Variants in LRIG1 observed in about 807,000 individuals in gnomAD.
The protein encoded by LRIG1 is leucine rich repeats and immunoglobulin like domains 1.
LRIG1 carries 48 observed loss-of-function variants against 99.2 expected under a neutral mutation model. That is an observed-to-expected ratio of 0.48 (90% CI 0.38 to 0.62). The LOEUF (loss-of-function observed/expected upper bound fraction) is 0.62, where lower values mean the gene tolerates loss of function less well. Among genes scored for constraint, LRIG1 ranks in the 20% least tolerant of loss-of-function variants. LRIG1 has a pLI of 0.00. For synonymous variants in LRIG1, 772 were observed against 596.1 expected, an observed-to-expected ratio of 1.29 and a Z score of -4.30; for missense variants, 1,646 against 1,434.4, an observed-to-expected ratio of 1.15 and a Z score of -2.38.
In LRIG1 at chr3:66,500,922, G is replaced by C. The variant is rs1445139015; in HGVS notation, c.-515C>G. The stretch of plus-strand genomic sequence containing the variant: ...GTGCGCCTCGCTGTCCCCACGCCGC[G>C]GCCAGAGAGCGCGCGCGCGCGCGCA... On this transcript the variant is annotated 5_prime_UTR_variant, in exon 1 of 19. Transcript: ENST00000273261. 1 of 151,684 alleles carries C rather than the reference G, an allele frequency of 6.6e-6. No individual in the cohort carries two copies. The highest frequency in any genetic ancestry group is 1.5e-5 in the Non-Finnish European group (1 of 67,996). The allele number at this position is 151,684 out of a possible 1,614,324, so 9.4% of individuals were successfully genotyped here.
chr3:66,381,461 A>G lies in LRIG1; in HGVS notation c.2770+18T>C, dbSNP rs945776727. On this transcript the variant is annotated intron_variant, in intron 17 of 18. Coordinates refer to ENST00000273261, the MANE Select transcript of LRIG1 (RefSeq NM_015541.3). ...CCATTTCAGAAAGAAACTACTTCCAATGGGAAGCATCTCATACCCATCTTA... is the reference window on the plus strand; with the variant it reads ...CCATTTCAGAAAGAAACTACTTCCAGTGGGAAGCATCTCATACCCATCTTA... 1.4e-5 allele frequency: 22 copies of G among 1,601,218 alleles called. No homozygotes were observed. The highest frequency in any genetic ancestry group is 1.8e-5 in the Non-Finnish European group (21 of 1,170,224).
intron 1 of LRIG1, among the ~76,000 whole-genome samples, chr3:66,488,573 G>T (rs1260752556): frequency 6.6e-6 from 1 of 152,240 alleles, no homozygotes; most frequent in East Asian, 1.9e-4. Flanking sequence ...GAAGGCAGAG[G>T]TTGCAGTCAG....
At chr3:66,417,065 G>A (rs552541702) in intron 4 of LRIG1, 64 bp downstream of exon 4, 17 of 1,589,304 alleles carry the variant, frequency 1.1e-5, no homozygotes, top group Middle Eastern at 1.8e-4. Flanking sequence ...ACTGGGTGCC[G>A]GTGAAGCTGT....
At chr3:66,416,254 C>T (rs1229474688) in intron 4 of LRIG1, among the ~76,000 whole-genome samples, 1 of 152,236 alleles carries the variant, frequency 6.6e-6, no homozygotes, top group African/African-American at 2.4e-5. Flanking sequence ...CTGTTCCCAA[C>T]TCTGGCGCCC....
intron 5 of LRIG1, among the ~76,000 whole-genome samples, chr3:66,413,746 C>T (rs757615812): frequency 6.6e-6 from 1 of 152,182 alleles, no homozygotes; most frequent in African/African-American, 2.4e-5. Flanking sequence ...TGCTGCCCCA[C>T]ACAAACCTTC....
chr3:66,385,782 C>A (rs1701343097), intron 13 of LRIG1, among the ~76,000 whole-genome samples, 199 bp downstream of exon 13: 2 of 152,208 alleles, frequency 1.3e-5, no homozygotes, highest in Admixed American at 1.3e-4. Context: ...TCACCAAAAA[C>A]AAGTAACTCA....
chr3:66,436,328 G>A (rs942927790), intron 3 of LRIG1, among the ~76,000 whole-genome samples: 3 of 152,190 alleles, frequency 2.0e-5, no homozygotes, highest in Non-Finnish European at 4.4e-5. Context: ...AGGGTGCTGG[G>A]TGCAGGCAAG....
At chr3:66,463,310 T>C (rs1018049829) in intron 1 of LRIG1, among the ~76,000 whole-genome samples, 5 of 152,120 alleles carry the variant, frequency 3.3e-5, no homozygotes, top group Non-Finnish European at 7.4e-5. Context: ...CTACACTGAA[T>C]AAACCGGGAG....
chr3:66,381,601 G>A lies in LRIG1; in HGVS notation c.2648C>T (p.Pro883Leu), dbSNP rs1559763142. The change falls in exon 17 of 19, where the codon CCA becomes CTA. Residue 883 changes from proline (P) to leucine (L), a missense_variant. Transcript: ENST00000273261. ...GGCAACGCTGTGAGTGTCGGGCTCT[G>A]GAAAGTGGCTTGCATCTCTTGGACA... is the stretch of plus-strand genomic sequence containing the variant. ...GVCPRDASHF[P>L]EPDTHSVACR... The A allele has an allele frequency of 6.2e-7, 1 of 1,614,012 alleles. No homozygotes were observed.
At position 66,383,069 on chromosome 3, in the gene LRIG1, T is replaced by C. The variant is rs1701176087; in HGVS notation, c.2404A>G (p.Ser802Gly). 6 of 1,614,216 alleles carry C rather than the reference T, an allele frequency of 3.7e-6. No homozygotes were observed. The highest frequency in any genetic ancestry group is 5.1e-6 in the Non-Finnish European group (6 of 1,180,020). ...TVGIFTIAVV[S>G]SIVLTSLVWV... is the part of the protein sequence containing the mutation. Reference sequence around the variant, plus strand: ...ACCAGTGACGTCAGGACGATGCTGCTCACGACAGCAATGGTGAAGATGCCT... The same window carrying C: ...ACCAGTGACGTCAGGACGATGCTGCCCACGACAGCAATGGTGAAGATGCCT... The change falls in exon 15 of 19, where the codon AGC (serine) becomes GGC (glycine). Residue 802 changes from serine (S) to glycine (G), a missense_variant. Ser to Gly is a moderately conservative substitution (Grantham distance 56). Coordinates refer to ENST00000273261, the MANE Select transcript of LRIG1 (RefSeq NM_015541.3).
intron 3 of LRIG1, among the ~76,000 whole-genome samples, chr3:66,441,217 T>C (rs1703527908): frequency 6.6e-6 from 1 of 152,006 alleles, no homozygotes. Flanking sequence ...GTTGATGAAG[T>C]TGGGAAGAAA....
intron 6 of LRIG1, 31 bp downstream of exon 6, chr3:66,412,840 T>C (rs1702513654): frequency 5.0e-6 from 8 of 1,612,634 alleles, no homozygotes; most frequent in Non-Finnish European, 6.8e-6. Flanking sequence ...CAGCAATCCT[T>C]AGCAATGCCA....
At chr3:66,487,748 G>A (rs1305281029) in intron 1 of LRIG1, among the ~76,000 whole-genome samples, 4 of 152,186 alleles carry the variant, frequency 2.6e-5, no homozygotes, top group East Asian at 1.9e-4. Context: ...CACGAGGCTC[G>A]AAGAAGGGTG....
rs1448001208 is a variant in LRIG1, at chr3:66,500,252, C to T, written c.156G>A (p.Leu52=). The T allele has an allele frequency of 1.3e-6, 2 of 1,508,444 alleles. No individual in the cohort carries two copies. Among genetic ancestry groups the T allele is most frequent in the Non-Finnish European group, 1.8e-6 (2 of 1,135,212 alleles). 93.4% of individuals were successfully genotyped at this position (1,508,444 alleles called of 1,614,324 possible). A position where few individuals can be genotyped will look rare whatever the true frequency, so the allele number is the denominator to read the frequency against. Residue 52 remains leucine, a synonymous_variant, in exon 1 of 19, where the codon CTG becomes CTA. Transcript: ENST00000273261. ...CAGCCAGCCCGCGCCCACCGCAGTC[C>T]AGCGAGTCCCCAGCGCAAGTGCAGG... The part of the protein sequence containing the change: ...AAACTCAGDS[L]DCGGRGLAAL...
At chr3:66,465,131 C>T (rs1011193012) in intron 1 of LRIG1, among the ~76,000 whole-genome samples, 17 of 152,136 alleles carry the variant, frequency 1.1e-4, no homozygotes, top group African/African-American at 3.9e-4. Flanking sequence ...AAGAAGACAG[C>T]CACCAAGGCT....
intron 3 of LRIG1, among the ~76,000 whole-genome samples, chr3:66,449,432 ACT>A (rs1490519562): frequency 6.6e-6 from 1 of 152,154 alleles, no homozygotes; most frequent in Non-Finnish European, 1.5e-5. Context: ...ACAGGGAGTA[ACT>A]CTCTTTTTTT....
At chr3:66,406,027 C>G in intron 8 of LRIG1, 1 of 988,518 alleles carries the variant, frequency 1.0e-6, no homozygotes, top group Non-Finnish European at 1.2e-6. Context: ...CAACTTTCCA[C>G]AAGGTTCTTG....
At chr3:66,455,762 C>T (rs891930025) in intron 2 of LRIG1, among the ~76,000 whole-genome samples, 1 of 152,202 alleles carries the variant, frequency 6.6e-6, no homozygotes, top group Non-Finnish European at 1.5e-5. Context: ...CTGTATTCTG[C>T]TTTAGTTACT....
At chr3:66,436,404 G>A (rs1269403460) in intron 3 of LRIG1, among the ~76,000 whole-genome samples, 3 of 152,168 alleles carry the variant, frequency 2.0e-5, no homozygotes, top group African/African-American at 4.8e-5. Context: ...AAAGAAAAGC[G>A]GCTTAGGAGA....
Sources: gnomAD v4.1 joint callset for allele counts (sites outside exome capture counted in the v4.1 genomes callset) on GRCh38, gnomAD v4.1.1 for gene constraint, MANE v1.5 for transcripts, NCBI Gene and HGNC (gene_info 2026-07-23, HGNC 2026-07-21) for gene names.